LSAMP: variants seen among roughly 807,000 people sequenced by gnomAD.
LSAMP encodes limbic system-associated membrane protein.
A neutral mutation model predicts 38.6 loss-of-function variants in LSAMP; 7 were observed. The observed-to-expected ratio is 0.18, with a 90% CI of 0.10 to 0.34. The LOEUF (loss-of-function observed/expected upper bound fraction) is 0.34, where lower values mean the gene tolerates loss of function less well. LSAMP is among the 10% of genes least tolerant of loss of function. LSAMP has a pLI of 1.00. For synonymous variants in LSAMP, 154 were observed against 166.8 expected, an observed-to-expected ratio of 0.92 and a Z score of 0.59; for missense variants, 313 against 420.0, an observed-to-expected ratio of 0.75 and a Z score of 2.23.
intron 1 of LSAMP, among the ~76,000 whole-genome samples, chr3:116,398,318 G>A (rs192638755): frequency 1.4e-4 from 21 of 152,226 alleles, no homozygotes; most frequent in South Asian, 4.1e-4. Flanking sequence ...GTGAGTATTC[G>A]TTGAGAAAAG....
In LSAMP at chr3:115,808,117, C is replaced by T. The variant is rs1331497277; in HGVS notation, c.*2200G>A. 3.4e-5 allele frequency: 2 copies of T among 58,242 alleles called. No individual in the cohort carries two copies. The highest frequency in any genetic ancestry group is 1.7e-4 in the African/African-American group (2 of 11,608). 3.6% of individuals were successfully genotyped at this position (58,242 alleles called of 1,614,324 possible). On this transcript the variant is annotated 3_prime_UTR_variant, in exon 7 of 7. Transcript: ENST00000490035. Reference sequence around the variant, plus strand: ...TCCTTCCTTCCTTCCTTCCTCCCTCCCTCCCTCCCTCCCTCCCTCCCTCCC... The same window carrying T: ...TCCTTCCTTCCTTCCTTCCTCCCTCTCTCCCTCCCTCCCTCCCTCCCTCCC...
At chr3:116,290,963 C>T (rs1280994878) in intron 1 of LSAMP, among the ~76,000 whole-genome samples, 1 of 151,974 alleles carries the variant, frequency 6.6e-6, no homozygotes, top group Non-Finnish European at 1.5e-5. Context: ...ACTGAAGATG[C>T]TTCATATTCT....
Position 116,159,254 on chromosome 3 carries a change from A to G in LSAMP, c.156-72698T>C, listed in dbSNP as rs987976059. Among the ~76,000 whole-genome samples the G allele has an allele frequency of 2.0e-5, 3 of 152,212 alleles. No individual in the cohort carries two copies. The East Asian group carries it at 5.8e-4, about 29-fold the overall frequency. On this transcript the variant is annotated intron_variant, in intron 1 of 6. Transcript: ENST00000490035. ...ATTGCAACAAAACAAAAATTGACAAATGGGACCTAATTAAACTAAAAAGTT... is the reference window on the plus strand; with the variant it reads ...ATTGCAACAAAACAAAAATTGACAAGTGGGACCTAATTAAACTAAAAAGTT...
intron 6 of LSAMP, among the ~76,000 whole-genome samples, chr3:115,828,184 C>T (rs1007390907): frequency 1.3e-5 from 2 of 152,040 alleles, no homozygotes; most frequent in Non-Finnish European, 2.9e-5. Context: ...AACATGCATA[C>T]GTAATGCCTG....
intron 1 of LSAMP, among the ~76,000 whole-genome samples, chr3:116,350,779 G>T (rs1005129773): frequency 6.6e-6 from 1 of 151,992 alleles, no homozygotes; most frequent in Non-Finnish European, 1.5e-5. Flanking sequence ...TGCTGAGGTT[G>T]CTAAGGTCTA....
chr3:115,840,205 T>A (rs1934952291), intron 6 of LSAMP, among the ~76,000 whole-genome samples: 1 of 152,250 alleles, frequency 6.6e-6, no homozygotes, highest in Non-Finnish European at 1.5e-5. Flanking sequence ...GCTTGCTTTC[T>A]GTAACTCATC....
At chr3:116,137,951 C>T (rs1407643400) in intron 1 of LSAMP, among the ~76,000 whole-genome samples, 2 of 152,094 alleles carry the variant, frequency 1.3e-5, no homozygotes, top group Non-Finnish European at 2.9e-5. Context: ...GAAATATGTT[C>T]AAAGGGCAAG....
intron 3 of LSAMP, among the ~76,000 whole-genome samples, chr3:115,899,975 G>C (rs1449805935): frequency 2.0e-5 from 3 of 152,168 alleles, no homozygotes; most frequent in African/African-American, 7.2e-5. Flanking sequence ...AAGTTGAATG[G>C]CCTCTATGTA....
chr3:116,132,935 C>T (rs80170505), intron 1 of LSAMP, among the ~76,000 whole-genome samples: 3,310 of 152,134 alleles, frequency 0.022, 109 homozygotes, highest in African/African-American at 0.074. Flanking sequence ...ACACCTCTTC[C>T]GTGTTGTTAT....
intron 3 of LSAMP, among the ~76,000 whole-genome samples, chr3:116,017,423 A>G (rs1384542572): frequency 1.3e-5 from 2 of 152,166 alleles, no homozygotes; most frequent in South Asian, 2.1e-4. Flanking sequence ...GTAAGAAATT[A>G]TAAATAGTAT....
chr3:116,192,089 A>G lies in LSAMP; in HGVS notation c.156-105533T>C, dbSNP rs116606102. On this transcript the variant is annotated intron_variant, in intron 1 of 6. Coordinates refer to ENST00000490035, the MANE Select transcript of LSAMP (RefSeq NM_002338.5). The stretch of plus-strand genomic sequence containing the variant: ...TTAAAATATTCTATTACAGCAATGT[A>G]TTATTCTTGTAACTAAAACATTTGT... Among the ~76,000 whole-genome samples the G allele has an allele frequency of 7.2e-3, 1,103 of 152,342 alleles. 12 individuals carry two copies. Among genetic ancestry groups the G allele is most frequent in the African/African-American group, 0.026 (1,068 of 41,568 alleles).
At chr3:116,096,109 A>G (rs750027396) in intron 1 of LSAMP, among the ~76,000 whole-genome samples, 8 of 152,208 alleles carry the variant, frequency 5.3e-5, no homozygotes, top group Non-Finnish European at 1.2e-4. Flanking sequence ...GGGTTTTAAA[A>G]AAACATATAG....
chr3:116,185,913 C>T (rs567484985), intron 1 of LSAMP, among the ~76,000 whole-genome samples: 1 of 151,092 alleles, frequency 6.6e-6, no homozygotes, highest in Non-Finnish European at 1.5e-5. Context: ...AAAAAAAGAC[C>T]TCTTTAGTTT....
intron 1 of LSAMP, among the ~76,000 whole-genome samples, chr3:116,210,918 A>G (rs1303760421): frequency 6.6e-6 from 1 of 152,180 alleles, no homozygotes; most frequent in African/African-American, 2.4e-5. Context: ...TAGCTAAGAT[A>G]AGGATTCAAC....
chr3:115,936,772 G>T (rs1373906840), intron 3 of LSAMP, among the ~76,000 whole-genome samples: 1 of 152,130 alleles, frequency 6.6e-6, no homozygotes. Flanking sequence ...GGGCACAGTT[G>T]TGGGTGCTGG....
At chr3:116,425,750 AAATT>A (rs1159946424) in intron 1 of LSAMP, among the ~76,000 whole-genome samples, 4 of 152,070 alleles carry the variant, frequency 2.6e-5, no homozygotes, top group Admixed American at 1.3e-4. Flanking sequence ...AATAATAAAT[AAATT>A]AATTAATTAG....
intron 1 of LSAMP, among the ~76,000 whole-genome samples, chr3:116,372,690 G>T (rs2048444681): frequency 9.6e-6 from 1 of 104,006 alleles, no homozygotes; most frequent in African/African-American, 3.7e-5. Flanking sequence ...AATATTAATT[G>T]AATATTGCCC....
chr3:116,232,406 C>G (rs916683150), intron 1 of LSAMP, among the ~76,000 whole-genome samples: 5 of 152,170 alleles, frequency 3.3e-5, no homozygotes, highest in Admixed American at 3.3e-4. Flanking sequence ...TTGATATTCT[C>G]TTAGTAAAAC....
intron 6 of LSAMP, among the ~76,000 whole-genome samples, chr3:115,815,359 C>T (rs1403071124): frequency 1.3e-5 from 2 of 152,106 alleles, no homozygotes; most frequent in Non-Finnish European, 2.9e-5. Flanking sequence ...GCCATATCCC[C>T]TGAGGATAAG....
Sources: allele counts gnomAD v4.1 joint callset (sites outside exome capture counted in the v4.1 genomes callset), GRCh38; gene constraint gnomAD v4.1.1; transcripts MANE v1.5; gene names NCBI Gene and HGNC (gene_info 2026-07-23, HGNC 2026-07-21).